Variants in STS observed in about 807,000 individuals in gnomAD.
STS encodes steroid sulfatase.
A neutral mutation model predicts 26.8 loss-of-function variants in STS; 7 were observed. That is an observed-to-expected ratio of 0.26 (90% confidence interval 0.15 to 0.49). The LOEUF is 0.49. Ranked by LOEUF, STS falls within the 20% of genes least tolerant of loss-of-function variation. The pLI, the probability that STS is intolerant of heterozygous loss-of-function variation, is 0.98. For synonymous variants in STS, 199 were observed against 189.4 expected (o/e 1.05, Z -0.42); for missense variants, 434 against 465.6 (o/e 0.93, Z 0.63).
At chrX:7,292,121 C>T (rs1375873978) in intron 7 of STS, among the ~76,000 whole-genome samples, 11 of 112,718 alleles carry the variant, frequency 9.8e-5, no homozygotes, top group East Asian at 2.8e-4. Context: ...TTTGGTTTTG[C>T]GTAGTGCTGC....
At chrX:7,260,211 C>T (rs1923674681) in intron 6 of STS, among the ~76,000 whole-genome samples, 1 of 112,167 alleles carries the variant, frequency 8.9e-6, no homozygotes, top group Non-Finnish European at 1.9e-5. Flanking sequence ...CACATTTTCC[C>T]TTCCATGCCT....
intron 8 of STS, among the ~76,000 whole-genome samples, chrX:7,321,063 A>ACATACACACCAT (rs1223383125): frequency 8.9e-6 from 1 of 112,031 alleles, no homozygotes; most frequent in Non-Finnish European, 1.9e-5. Flanking sequence ...AAAATGTGGT[A>ACATACACACCAT]CATACACACC....
intron 2 of STS, among the ~76,000 whole-genome samples, chrX:7,214,981 C>T (rs751852120): frequency 0.01 from 379 of 37,639 alleles, 16 homozygotes; most frequent in Non-Finnish European, 0.016. Flanking sequence ...TGTATATATA[C>T]ATATATATAC....
At chrX:7,233,337 GC>G (rs1489559958) in intron 2 of STS, among the ~76,000 whole-genome samples, 1 of 110,506 alleles carries the variant, frequency 9.0e-6, no homozygotes, top group South Asian at 3.8e-4. Context: ...CAAGTGATCT[GC>G]CTGCCTCGAC....
intron 2 of STS, among the ~76,000 whole-genome samples, chrX:7,248,456 C>T (rs1922989599): frequency 8.9e-6 from 1 of 111,757 alleles, no homozygotes; most frequent in Non-Finnish European, 1.9e-5. Context: ...CATAACGTTT[C>T]TGTTTCCCTC....
chrX:7,240,665 G>C (rs1922572037), intron 2 of STS, among the ~76,000 whole-genome samples: 1 of 107,124 alleles, frequency 9.3e-6, no homozygotes, highest in Admixed American at 1.0e-4. Context: ...TCTTTCCAAG[G>C]AACAAGGCTG....
chrX:7,166,507 A>T (rs944736486), intron 1 of STS, among the ~76,000 whole-genome samples: 16 of 111,640 alleles, frequency 1.4e-4, no homozygotes, highest in African/African-American at 4.6e-4. Flanking sequence ...ATTTGTCTTA[A>T]TTGGCAGACA....
At chrX:7,324,635 G>A (rs1416076664) in intron 8 of STS, among the ~76,000 whole-genome samples, 1 of 111,330 alleles carries the variant, frequency 9.0e-6, no homozygotes, top group Non-Finnish European at 1.9e-5. Flanking sequence ...GTGTTTTAAT[G>A]CTAATGCTGG....
At chrX:7,237,796 A>G (rs1458531253) in intron 2 of STS, among the ~76,000 whole-genome samples, 2 of 111,310 alleles carry the variant, frequency 1.8e-5, no homozygotes, top group South Asian at 3.8e-4. Flanking sequence ...AATAATATAC[A>G]TTCTACCCAA....
At chrX:7,205,881 G>A (rs1249818588) in intron 2 of STS, among the ~76,000 whole-genome samples, 6 of 108,310 alleles carry the variant, frequency 5.5e-5, no homozygotes, top group African/African-American at 2.0e-4. Context: ...CTCACAACAT[G>A]CTGGGATTAC....
intron 2 of STS, among the ~76,000 whole-genome samples, chrX:7,207,316 T>C (rs1272510424): frequency 8.9e-6 from 1 of 112,582 alleles, no homozygotes; most frequent in Non-Finnish European, 1.9e-5. Context: ...CACCCTGTCC[T>C]CAAATCTCTT....
intron 2 of STS, among the ~76,000 whole-genome samples, chrX:7,205,543 G>A (rs760670317): frequency 1.2e-4 from 13 of 110,948 alleles, no homozygotes; most frequent in Admixed American, 7.6e-4. Flanking sequence ...TGTCTGGAGG[G>A]GTTGGCTGGT....
intron 2 of STS, among the ~76,000 whole-genome samples, chrX:7,219,003 A>G (rs1193061398): frequency 8.9e-6 from 1 of 112,110 alleles, no homozygotes; most frequent in South Asian, 3.8e-4. Context: ...GCATGATGCA[A>G]CCTGGCTCTG....
At chrX:7,223,607 GT>G (rs201195205) in intron 2 of STS, among the ~76,000 whole-genome samples, 3 of 107,527 alleles carry the variant, frequency 2.8e-5, no homozygotes, top group Non-Finnish European at 5.8e-5. Flanking sequence ...ATTTGTTTTT[GT>G]TTTTTTTTCT....
At chrX:7,159,583 G>A (rs1221635719) in intron 1 of STS, among the ~76,000 whole-genome samples, 2 of 111,898 alleles carry the variant, frequency 1.8e-5, no homozygotes, top group Non-Finnish European at 3.8e-5. Flanking sequence ...TCCTTGCTGC[G>A]CACCATGCAA....
chrX:7,204,315 T>C (rs1022779751), intron 2 of STS, among the ~76,000 whole-genome samples: 1 of 111,911 alleles, frequency 8.9e-6, no homozygotes, highest in African/African-American at 3.2e-5. Context: ...AAAATAGCAT[T>C]TTCCTTGTGT....
chrX:7,295,943 T>A (rs1376069666), intron 7 of STS, among the ~76,000 whole-genome samples: 1 of 111,964 alleles, frequency 8.9e-6, no homozygotes, highest in African/African-American at 3.2e-5. Flanking sequence ...CAATTTTGTA[T>A]CTTCAGCTTT....
intron 7 of STS, among the ~76,000 whole-genome samples, chrX:7,288,496 C>T (rs1313954175): frequency 9.0e-6 from 1 of 111,136 alleles, no homozygotes; most frequent in African/African-American, 3.3e-5. Context: ...AAGTTCAGGA[C>T]TTAGGAGCAT....
intron 8 of STS, among the ~76,000 whole-genome samples, chrX:7,312,180 C>T (rs1430411834): frequency 4.5e-5 from 5 of 111,842 alleles, no homozygotes; most frequent in African/African-American, 6.5e-5. Context: ...CTTGTTCCCA[C>T]CTCAGAGTCT....
Sources: allele counts gnomAD v4.1 joint callset (sites outside exome capture counted in the v4.1 genomes callset), GRCh38; gene constraint gnomAD v4.1.1; transcripts MANE v1.5; gene names NCBI Gene and HGNC (gene_info 2026-07-23, HGNC 2026-07-21).